Variants in BCAR3 observed in about 807,000 individuals in gnomAD.
The protein encoded by BCAR3 is BCAR3 adaptor protein, NSP family member, also known as breast cancer anti-estrogen resistance protein 3.
In BCAR3, 37 loss-of-function variants were observed where a neutral mutation model predicts 80.1. The observed-to-expected ratio is 0.46, with a 90% CI of 0.36 to 0.61. The LOEUF (loss-of-function observed/expected upper bound fraction) is 0.61, where lower values mean the gene tolerates loss of function less well. Among genes scored for constraint, BCAR3 ranks in the 20% least tolerant of loss-of-function variants. The pLI is 0.00. For synonymous variants in BCAR3, 389 were observed against 418.9 expected (o/e 0.93, Z 0.87); for missense variants, 978 against 1,068.2 (o/e 0.92, Z 1.18).
intron 8 of BCAR3, 147 bp downstream of exon 8, chr1:93,575,866 TG>T: frequency 1.6e-6 from 1 of 625,210 alleles, no homozygotes; most frequent in Non-Finnish European, 2.8e-6. Context: ...CTCAGGCTTC[TG>T]GGAAGAGTCG....
At chr1:93,757,961 A>G (rs1248234398) in intron 2 of BCAR3, among the ~76,000 whole-genome samples, 3 of 152,202 alleles carry the variant, frequency 2.0e-5, no homozygotes, top group South Asian at 2.1e-4. Context: ...AGAGGCCTCA[A>G]CTGATCTCAC....
At chr1:93,701,220 G>A (rs964227425) in intron 3 of BCAR3, among the ~76,000 whole-genome samples, 2 of 152,214 alleles carry the variant, frequency 1.3e-5, no homozygotes, top group Admixed American at 6.5e-5. Flanking sequence ...TAACCACAGC[G>A]GTCATCGTGA....
At chr1:93,575,694 C>T (rs140391316) in intron 8 of BCAR3, among the ~76,000 whole-genome samples, 262 of 152,304 alleles carry the variant, frequency 1.7e-3, no homozygotes, top group African/African-American at 6.1e-3. Flanking sequence ...CCCAGCTCTG[C>T]CCCAGGCTGC....
chr1:93,787,926 T>A (rs188890037), intron 2 of BCAR3, among the ~76,000 whole-genome samples: 237 of 152,354 alleles, frequency 1.6e-3, no homozygotes, highest in African/African-American at 5.3e-3. Flanking sequence ...AGTCCCTCAC[T>A]ATTATTGTGT....
chr1:93,724,691 A>C (rs1046597009), intron 2 of BCAR3, among the ~76,000 whole-genome samples: 3 of 152,116 alleles, frequency 2.0e-5, no homozygotes, highest in Admixed American at 6.5e-5. Context: ...TGGGCCTTGG[A>C]GAGGTGGGCC....
At chr1:93,813,150 C>T (rs1653903496) in intron 2 of BCAR3, among the ~76,000 whole-genome samples, 1 of 152,070 alleles carries the variant, frequency 6.6e-6, no homozygotes, top group Admixed American at 6.5e-5. Context: ...CCCCAGAGCT[C>T]CATTCTGCCT....
intron 2 of BCAR3, among the ~76,000 whole-genome samples, chr1:93,802,300 A>T (rs1653508144): frequency 6.8e-6 from 1 of 146,596 alleles, no homozygotes; most frequent in South Asian, 2.1e-4. Flanking sequence ...GCTGAGTCAG[A>T]TCTCAACTTT....
intron 3 of BCAR3, among the ~76,000 whole-genome samples, chr1:93,614,672 G>C (rs1675052344): frequency 6.6e-6 from 1 of 152,186 alleles, no homozygotes; most frequent in African/African-American, 2.4e-5. Context: ...TAATTAGCAA[G>C]TCTGTCAGCA....
intron 2 of BCAR3, among the ~76,000 whole-genome samples, chr1:93,825,779 G>A (rs533342283): frequency 7.2e-4 from 109 of 152,200 alleles, no homozygotes; most frequent in African/African-American, 2.5e-3. Context: ...TCTCTCCTCT[G>A]TCTTTGACCC....
chr1:93,814,658 AC>A (rs2100809256), intron 2 of BCAR3, among the ~76,000 whole-genome samples: 1 of 152,348 alleles, frequency 6.6e-6, no homozygotes, highest in Non-Finnish European at 1.5e-5. Flanking sequence ...TCTGGGGGTC[AC>A]CACTGGTGTG....
At chr1:93,660,096 G>T (rs1054459682) in intron 2 of BCAR3, among the ~76,000 whole-genome samples, 2 of 151,244 alleles carry the variant, frequency 1.3e-5, no homozygotes, top group Non-Finnish European at 2.9e-5. Context: ...TCTCTAATAC[G>T]CGGAAGACCT....
chr1:93,592,514 G>GGAGC lies in BCAR3; in HGVS notation c.358-125_358-122dup. 1.6e-5 allele frequency: 21 copies of GGAGC among 1,328,142 alleles called. No individual in the cohort carries two copies. The highest frequency in any genetic ancestry group is 2.1e-5 in the Non-Finnish European group (21 of 987,282). The allele number at this position is 1,328,142 out of a possible 1,614,324, so 82.3% of individuals were successfully genotyped here. On this transcript the variant is annotated intron_variant, in intron 3 of 11. Coordinates refer to ENST00000260502, the MANE Select transcript of BCAR3 (RefSeq NM_003567.4). The surrounding 1 kb of genome is among the most constrained non-coding windows in gnomAD (Gnocchi z 4.8). ...ATGCTACAGCCTGCATTCAGGTAGG[G>GGAGC]GAGCCTGGATAATGATTACAAAGAG...
At chr1:93,847,506 C>CGGTCGGAAGAGCGCGGG (rs1553176913), upstream of BCAR3, 2 of 152,356 alleles carry the variant, frequency 1.3e-5, no homozygotes, top group African/African-American at 4.8e-5. Flanking sequence ...ACGGGAGGCG[C>CGGTCGGAAGAGCGCGGG]GGTCGGAAGA....
At chr1:93,656,782 T>G (rs187627868) in intron 2 of BCAR3, among the ~76,000 whole-genome samples, 2 of 152,242 alleles carry the variant, frequency 1.3e-5, no homozygotes, top group East Asian at 3.9e-4. Flanking sequence ...TTTTTAATCT[T>G]TTGCAGAGAC....
At chr1:93,782,356 C>A (rs1298675844) in intron 2 of BCAR3, among the ~76,000 whole-genome samples, 4 of 152,176 alleles carry the variant, frequency 2.6e-5, no homozygotes, top group Non-Finnish European at 5.9e-5. Flanking sequence ...GAGAATACCC[C>A]ACATGAGTGC....
chr1:93,652,172 G>A (rs769155687), intron 2 of BCAR3, among the ~76,000 whole-genome samples: 4 of 152,304 alleles, frequency 2.6e-5, no homozygotes, highest in Non-Finnish European at 5.9e-5. Flanking sequence ...TGTTCATTCT[G>A]TTCTGAAAGC....
intron 1 of BCAR3, among the ~76,000 whole-genome samples, chr1:93,846,269 G>T (rs1011709826): frequency 6.6e-6 from 1 of 152,222 alleles, no homozygotes; most frequent in Non-Finnish European, 1.5e-5. Context: ...GGGCGGGTAT[G>T]GGTGAAGCAC....
intron 2 of BCAR3, among the ~76,000 whole-genome samples, chr1:93,659,908 C>T (rs1333571183): frequency 6.6e-6 from 1 of 152,148 alleles, no homozygotes; most frequent in Non-Finnish European, 1.5e-5. Context: ...TTTGTGATGA[C>T]AAACAATTAC....
intron 3 of BCAR3, among the ~76,000 whole-genome samples, chr1:93,610,375 T>C (rs1674911997): frequency 6.6e-6 from 1 of 152,042 alleles, no homozygotes; most frequent in Admixed American, 6.6e-5. Flanking sequence ...GGTCTGCTGC[T>C]CCCCCAGGCT....
Sources: allele counts gnomAD v4.1 joint callset (sites outside exome capture counted in the v4.1 genomes callset), GRCh38; gene constraint gnomAD v4.1.1; non-coding constraint Gnocchi (gnomAD v3.1); transcripts MANE v1.5; gene names NCBI Gene and HGNC (gene_info 2026-07-23, HGNC 2026-07-21).